ST6GALNAC3: variants seen among roughly 807,000 people sequenced by gnomAD.
The protein encoded by ST6GALNAC3 is alpha-N-acetylgalactosaminide alpha-2,6-sialyltransferase 3.
In ST6GALNAC3, 25 loss-of-function variants were observed where a neutral mutation model predicts 32.7. That is an observed-to-expected ratio of 0.76 (90% CI 0.56 to 1.07). ST6GALNAC3 has a LOEUF of 1.07. Among genes scored for constraint, ST6GALNAC3 ranks in the 50% least tolerant of loss-of-function variants. The pLI, the probability that ST6GALNAC3 is intolerant of heterozygous loss-of-function variation, is 0.00. For synonymous variants in ST6GALNAC3, 129 were observed against 133.1 expected, an observed-to-expected ratio of 0.97 and a Z score of 0.21; for missense variants, 355 against 382.4, an observed-to-expected ratio of 0.93 and a Z score of 0.60.
chr1:76,358,140 C>T (rs1278682959), intron 2 of ST6GALNAC3, among the ~76,000 whole-genome samples: 1 of 151,928 alleles, frequency 6.6e-6, no homozygotes, highest in Admixed American at 6.6e-5. Context: ...CTTTTTTGCC[C>T]CTATCGAATC....
At chr1:76,413,860 T>C (rs1355292811) in intron 3 of ST6GALNAC3, among the ~76,000 whole-genome samples, 1 of 152,066 alleles carries the variant, frequency 6.6e-6, no homozygotes, top group Non-Finnish European at 1.5e-5. Flanking sequence ...ACAAAGGGCT[T>C]TGGAAATTTC....
intron 1 of ST6GALNAC3, among the ~76,000 whole-genome samples, chr1:76,312,905 A>T (rs1464360587): frequency 6.6e-6 from 1 of 152,184 alleles, no homozygotes; most frequent in South Asian, 2.1e-4. Context: ...GTTCACACAT[A>T]TCTGTCAATT....
intron 2 of ST6GALNAC3, among the ~76,000 whole-genome samples, chr1:76,321,536 C>T (rs757315630): frequency 3.3e-5 from 5 of 152,160 alleles, no homozygotes; most frequent in Non-Finnish European, 5.9e-5. Flanking sequence ...TTACAGCCAC[C>T]ACCACCAAAT....
chr1:76,599,041 G>T (rs1269446606), intron 3 of ST6GALNAC3, among the ~76,000 whole-genome samples: 1 of 151,994 alleles, frequency 6.6e-6, no homozygotes, highest in Non-Finnish European at 1.5e-5. Context: ...CTTTTTTCAT[G>T]GTTGTAGGTT....
chr1:76,291,764 A>G (rs62959460), intron 1 of ST6GALNAC3, among the ~76,000 whole-genome samples: 1 of 150,432 alleles, frequency 6.6e-6, no homozygotes, highest in Non-Finnish European at 1.5e-5. Context: ...ATAAAAAAAA[A>G]GGGAGGGCAT....
intron 1 of ST6GALNAC3, among the ~76,000 whole-genome samples, chr1:76,204,733 T>A (rs756542305): frequency 3.3e-5 from 5 of 152,230 alleles, no homozygotes; most frequent in Non-Finnish European, 5.9e-5. Context: ...AACTTTCTTA[T>A]TTTAAGTTTT....
intron 1 of ST6GALNAC3, among the ~76,000 whole-genome samples, chr1:76,209,870 C>A (rs577052045): frequency 2.6e-5 from 4 of 152,218 alleles, no homozygotes; most frequent in Admixed American, 6.5e-5. Context: ...AGAGGATTAT[C>A]TTGGGGTTTA....
intron 1 of ST6GALNAC3, among the ~76,000 whole-genome samples, chr1:76,221,174 T>C (rs996127346): frequency 2.6e-5 from 4 of 152,316 alleles, no homozygotes; most frequent in Admixed American, 2.6e-4. Flanking sequence ...AGAAATTCTT[T>C]GGTTCTAGAA....
Position 76,621,144 on chromosome 1 carries a change from A to G in ST6GALNAC3, c.624-6308A>G, listed in dbSNP as rs1648619448. Among the ~76,000 whole-genome samples, 3 of 152,138 alleles carry G rather than the reference A, an allele frequency of 2.0e-5. 1 individual carries two copies. In the South Asian group the frequency reaches 6.2e-4, roughly 32 times the overall value. On this transcript the variant is annotated intron_variant, in intron 3 of 4. Transcript: ENST00000328299. ...TTCTCCTTTTGTACAATTTCATTGC[A>G]TTCATAACCAGTCAAAGGGTCCTGA...
chr1:76,599,489 C>T lies in ST6GALNAC3; in HGVS notation c.624-27963C>T, dbSNP rs1251880289. Among the ~76,000 whole-genome samples the T allele has an allele frequency of 4.0e-5, 6 of 151,794 alleles. No individual in the cohort carries two copies. The East Asian group carries it at 5.8e-4, about 15-fold the overall frequency. On this transcript the variant is annotated intron_variant, in intron 3 of 4. Coordinates refer to ENST00000328299, the MANE Select transcript of ST6GALNAC3 (RefSeq NM_152996.4). ...ACAGGCCCCAGTGTGTGATGTTCCCCGTGTCCATGTGTTCTTATTGTTCAA... is the reference window on the plus strand; with the variant it reads ...ACAGGCCCCAGTGTGTGATGTTCCCTGTGTCCATGTGTTCTTATTGTTCAA...
intron 3 of ST6GALNAC3, among the ~76,000 whole-genome samples, chr1:76,555,353 A>G (rs1490865504): frequency 6.6e-6 from 1 of 152,204 alleles, no homozygotes; most frequent in African/African-American, 2.4e-5. Flanking sequence ...TTTCTGTGGA[A>G]TTAATATCAT....
chr1:76,323,860 C>G (rs998378179), intron 2 of ST6GALNAC3, among the ~76,000 whole-genome samples: 6 of 151,798 alleles, frequency 4.0e-5, no homozygotes, highest in African/African-American at 1.5e-4. Flanking sequence ...GTATTTATTA[C>G]TAGAATTTTT....
intron 3 of ST6GALNAC3, among the ~76,000 whole-genome samples, chr1:76,553,325 G>C (rs1425222063): frequency 1.3e-5 from 2 of 149,934 alleles, no homozygotes; most frequent in African/African-American, 5.0e-5. Flanking sequence ...AGGTGGAAAT[G>C]TTAGCTCTAC....
chr1:76,320,844 T>C (rs996205395), intron 2 of ST6GALNAC3, among the ~76,000 whole-genome samples: 6 of 151,998 alleles, frequency 3.9e-5, no homozygotes, highest in African/African-American at 1.2e-4. Context: ...GCATACATGT[T>C]CACAGATCAA....
At chr1:76,093,201 A>G (rs1257895240) in intron 1 of ST6GALNAC3, among the ~76,000 whole-genome samples, 3 of 152,250 alleles carry the variant, frequency 2.0e-5, no homozygotes, top group Non-Finnish European at 2.9e-5. Flanking sequence ...TGCTTTGTAC[A>G]GCTTTAATGG....
At chr1:76,251,272 A>G (rs1657599199) in intron 1 of ST6GALNAC3, among the ~76,000 whole-genome samples, 1 of 152,124 alleles carries the variant, frequency 6.6e-6, no homozygotes, top group Non-Finnish European at 1.5e-5. Flanking sequence ...TTCCTAAATA[A>G]TACAAGTTAA....
chr1:76,371,552 A>C (rs12239582), intron 2 of ST6GALNAC3, among the ~76,000 whole-genome samples: 45,387 of 152,138 alleles, frequency 0.3, 8,261 homozygotes, highest in Middle Eastern at 0.42. Flanking sequence ...CAGAAAGATA[A>C]TAATGGAGAA....
At chr1:76,417,416 A>G (rs1654723847) in intron 3 of ST6GALNAC3, among the ~76,000 whole-genome samples, 1 of 152,118 alleles carries the variant, frequency 6.6e-6, no homozygotes, top group Non-Finnish European at 1.5e-5. Context: ...AATGATTGGT[A>G]TGCATAAATA....
intron 3 of ST6GALNAC3, among the ~76,000 whole-genome samples, chr1:76,623,642 G>A (rs1331835563): frequency 6.6e-6 from 1 of 151,940 alleles, no homozygotes; most frequent in Non-Finnish European, 1.5e-5. Context: ...GCATTTGATA[G>A]TTATCACTTT....
Sources: allele counts gnomAD v4.1 joint callset (sites outside exome capture counted in the v4.1 genomes callset), GRCh38; gene constraint gnomAD v4.1.1; transcripts MANE v1.5; gene names NCBI Gene and HGNC (gene_info 2026-07-23, HGNC 2026-07-21).